The following GRAMD1B variants were observed in gnomAD, a reference collection of about 807,000 sequenced individuals.
The protein encoded by GRAMD1B is GRAM domain containing 1B, also known as protein Aster-B.
GRAMD1B carries 37 observed loss-of-function variants against 99.7 expected under a neutral mutation model. The observed-to-expected ratio is 0.37, with a 90% CI of 0.29 to 0.49. The LOEUF (loss-of-function observed/expected upper bound fraction) is 0.49, where lower values mean the gene tolerates loss of function less well. Ranked by LOEUF, GRAMD1B falls within the 20% of genes least tolerant of loss-of-function variation. GRAMD1B has a pLI of 0.98. For missense variants in GRAMD1B, 888 were observed against 1,009.2 expected, an observed-to-expected ratio of 0.88 and a Z score of 1.63; for synonymous variants, 427 against 387.6, an observed-to-expected ratio of 1.10 and a Z score of -1.19.
At chr11:123,522,843 C>G (rs115581498) in intron 2 of GRAMD1B, among the ~76,000 whole-genome samples, 1 of 152,190 alleles carries the variant, frequency 6.6e-6, no homozygotes, top group Non-Finnish European at 1.5e-5. Context: ...TTGATTTAGT[C>G]TCTTTTTTAA....
At chr11:123,508,400 G>T (rs756694004) in intron 2 of GRAMD1B, among the ~76,000 whole-genome samples, 6 of 152,116 alleles carry the variant, frequency 3.9e-5, no homozygotes, top group Non-Finnish European at 5.9e-5. Flanking sequence ...CCTGTTAAAG[G>T]TTCCACCTCT....
rs896580972 is a variant in GRAMD1B at position 123,430,424 on chromosome 11, C to G, written c.-369C>G. Reference sequence around the variant, plus strand: ...ACCGCCCCCTGGGGCCCCTGGCTGCCGAGTCCCGCTAAGGCAAAGACGCCA... The same window carrying G: ...ACCGCCCCCTGGGGCCCCTGGCTGCGGAGTCCCGCTAAGGCAAAGACGCCA... On this transcript the variant is annotated 5_prime_UTR_variant, in exon 1 of 20. Coordinates refer to ENST00000635736, the MANE Select transcript of GRAMD1B (RefSeq NM_001387025.1). The G allele has an allele frequency of 8.1e-6, 2 of 245,590 alleles. No individual in the cohort carries two copies. Among genetic ancestry groups the G allele is most frequent in the Non-Finnish European group, 1.5e-5 (2 of 129,436 alleles). The allele number at this position is 245,590 out of a possible 1,614,324, so 15.2% of individuals were successfully genotyped here.
intron 2 of GRAMD1B, among the ~76,000 whole-genome samples, chr11:123,576,301 G>A (rs557589596): frequency 5.2e-4 from 79 of 152,356 alleles, no homozygotes; most frequent in African/African-American, 1.9e-3. Context: ...TGACCCAGCT[G>A]AGAGGCTGCT....
At chr11:123,520,561 A>G (rs1942101497) in intron 2 of GRAMD1B, among the ~76,000 whole-genome samples, 1 of 152,134 alleles carries the variant, frequency 6.6e-6, no homozygotes, top group African/African-American at 2.4e-5. Flanking sequence ...GCTTGAGCCC[A>G]GGAGTTCAAG....
At chr11:123,555,084 A>G (rs888007490) in intron 2 of GRAMD1B, among the ~76,000 whole-genome samples, 2 of 152,214 alleles carry the variant, frequency 1.3e-5, no homozygotes, top group African/African-American at 2.4e-5. Flanking sequence ...GTGTCTCTCT[A>G]GCGCCCTCTA....
intron 2 of GRAMD1B, among the ~76,000 whole-genome samples, chr11:123,497,575 C>A (rs931321267): frequency 2.0e-5 from 3 of 152,120 alleles, no homozygotes; most frequent in African/African-American, 7.2e-5. Context: ...AAGTAAAAAA[C>A]CTTAGAAATT....
At chr11:123,444,313 G>A (rs1949540956) in intron 1 of GRAMD1B, among the ~76,000 whole-genome samples, 1 of 152,128 alleles carries the variant, frequency 6.6e-6, no homozygotes. Flanking sequence ...TTGCAACATA[G>A]TCTGTTTTGC....
chr11:123,607,550 A>C (rs73029857), intron 11 of GRAMD1B, among the ~76,000 whole-genome samples: 7,779 of 152,260 alleles, frequency 0.051, 263 homozygotes, highest in African/African-American at 0.089. Context: ...ACCCACCCCC[A>C]TCTAGAGTCC....
At chr11:123,474,295 A>T (rs896465816) in intron 1 of GRAMD1B, among the ~76,000 whole-genome samples, 1 of 152,140 alleles carries the variant, frequency 6.6e-6, no homozygotes, top group Non-Finnish European at 1.5e-5. Context: ...CTTGAATCCA[A>T]CAGAACTGCA....
At chr11:123,612,590 CCA>C (rs2136994326) in intron 14 of GRAMD1B, among the ~76,000 whole-genome samples, 169 bp from the exon 15 acceptor site, 1 of 152,270 alleles carries the variant, frequency 6.6e-6, no homozygotes, top group African/African-American at 2.4e-5. Context: ...GGGGATAAAT[CCA>C]CCAGCTCCAC....
At chr11:123,574,787 AG>A (rs1203780252) in intron 2 of GRAMD1B, among the ~76,000 whole-genome samples, 1 of 152,194 alleles carries the variant, frequency 6.6e-6, no homozygotes, top group Non-Finnish European at 1.5e-5. Context: ...GGCCGGAAGC[AG>A]GTAGAGGAGT....
rs374541768 is a variant in GRAMD1B at position 123,565,472 on chromosome 11, G to C, written c.453-11895G>C. 4.2e-4 allele frequency among the ~76,000 whole-genome samples: 64 copies of C among 152,346 alleles called. No individual in the cohort carries two copies. In the South Asian group the frequency reaches 0.013, roughly 30 times the overall value. ...AGGATGAGTATGTAATACAAAGTTA[G>C]AGGTGCTCCAAAGATTCTTGCTTAA... On this transcript the variant is annotated intron_variant, in intron 2 of 19. Coordinates refer to ENST00000635736, the MANE Select transcript of GRAMD1B (RefSeq NM_001387025.1).
intron 2 of GRAMD1B, among the ~76,000 whole-genome samples, chr11:123,566,195 G>A (rs1432863782): frequency 6.6e-6 from 1 of 152,094 alleles, no homozygotes; most frequent in Non-Finnish European, 1.5e-5. Context: ...GGTTGTGATC[G>A]TGCAACAGAC....
intron 1 of GRAMD1B, among the ~76,000 whole-genome samples, chr11:123,376,171 A>G (rs1293533071): frequency 6.6e-6 from 1 of 152,228 alleles, no homozygotes; most frequent in African/African-American, 2.4e-5. Flanking sequence ...AATCAAAGCA[A>G]TATAGCAGTG....
At chr11:123,537,914 GC>G (rs1309202703) in intron 2 of GRAMD1B, among the ~76,000 whole-genome samples, 1 of 152,156 alleles carries the variant, frequency 6.6e-6, no homozygotes, top group East Asian at 1.9e-4. Flanking sequence ...AGTCTTAACT[GC>G]TTTCTGTGGC....
intron 2 of GRAMD1B, among the ~76,000 whole-genome samples, chr11:123,513,553 TTTCCTTCC>T (rs145213972): frequency 8.6e-6 from 1 of 116,332 alleles, no homozygotes; most frequent in East Asian, 2.8e-4. Context: ...CTTTCCTTTC[TTTCCTTCC>T]TTCCTTCCTT....
chr11:123,513,652 CCTTTCTTT>C (rs571894757), intron 2 of GRAMD1B, among the ~76,000 whole-genome samples: 5 of 30,832 alleles, frequency 1.6e-4, no homozygotes, highest in South Asian at 9.6e-4. Context: ...CTTTTTCTTA[CCTTTCTTT>C]CTTTCTTTCT....
Position 123,626,224 on chromosome 11 carries a change from G to A in GRAMD1B, c.*3629G>A, listed in dbSNP as rs1228884399. On this transcript the variant is annotated 3_prime_UTR_variant, in exon 20 of 20. Transcript: ENST00000635736. ...CTAGCACTTCTCTTTTGTTAAGATA[G>A]GGTTTGGATTTAGTATGAAGCTTTG... 1 of 152,128 alleles carries A rather than the reference G, an allele frequency of 6.6e-6. No individual in the cohort carries two copies. The highest frequency in any genetic ancestry group is 1.5e-5 in the Non-Finnish European group (1 of 68,044). The allele number at this position is 152,128 out of a possible 1,614,324, so 9.4% of individuals were successfully genotyped here.
At chr11:123,570,711 A>G (rs1947983106) in intron 2 of GRAMD1B, among the ~76,000 whole-genome samples, 2 of 152,214 alleles carry the variant, frequency 1.3e-5, no homozygotes, top group South Asian at 4.1e-4. Flanking sequence ...GGTGTGAGCC[A>G]CGGCACCCAG....
Sources: gnomAD v4.1 joint callset for allele counts (sites outside exome capture counted in the v4.1 genomes callset) on GRCh38, gnomAD v4.1.1 for gene constraint, MANE v1.5 for transcripts, NCBI Gene and HGNC (gene_info 2026-07-23, HGNC 2026-07-21) for gene names.